The following TPP2 variants were observed in gnomAD, a reference collection of about 807,000 sequenced individuals.
The protein encoded by TPP2 is tripeptidyl peptidase 2.
TPP2 carries 34 observed loss-of-function variants against 155.9 expected under a neutral mutation model. That is an observed-to-expected ratio of 0.22 (90% CI 0.17 to 0.29). TPP2 has a LOEUF of 0.29. Among genes scored for constraint, TPP2 ranks in the 10% least tolerant of loss-of-function variants. The pLI is 1.00. For missense variants in TPP2, 1,028 were observed against 1,522.3 expected (o/e 0.68, Z 5.40); for synonymous variants, 510 against 529.4 (o/e 0.96, Z 0.50).
intron 25 of TPP2, among the ~76,000 whole-genome samples, chr13:102,658,831 G>T (rs918015553): frequency 6.6e-6 from 1 of 152,172 alleles, no homozygotes; most frequent in Non-Finnish European, 1.5e-5. Flanking sequence ...ACTGCCAGTT[G>T]CAGCGGCTCA....
intron 6 of TPP2, among the ~76,000 whole-genome samples, chr13:102,626,171 A>G (rs974323057): frequency 2.0e-5 from 3 of 152,194 alleles, no homozygotes; most frequent in East Asian, 3.8e-4. Flanking sequence ...TTGCCACATT[A>G]GTTTGGACCA....
At chr13:102,630,233 C>A in intron 10 of TPP2, 38 bp downstream of exon 10, 2 of 1,505,054 alleles carry the variant, frequency 1.3e-6, no homozygotes, top group African/African-American at 1.4e-5. Flanking sequence ...TACGTATATT[C>A]GGTTAAACTT....
chr13:102,651,475 A>G (rs989356439), intron 24 of TPP2, 78 bp downstream of exon 24: 1 of 1,453,432 alleles, frequency 6.9e-7, no homozygotes, highest in African/African-American at 1.4e-5. Context: ...ACTATTATAA[A>G]CCTTTTTTTT....
At chr13:102,607,394 C>T (rs74408265) in intron 2 of TPP2, among the ~76,000 whole-genome samples, 5,802 of 152,232 alleles carry the variant, frequency 0.038, 165 homozygotes, top group Non-Finnish European at 0.055. Context: ...TTCAGATTTT[C>T]GGGTTAGAAA....
intron 2 of TPP2, among the ~76,000 whole-genome samples, chr13:102,606,918 G>T (rs1879877219): frequency 6.6e-6 from 1 of 152,186 alleles, no homozygotes; most frequent in African/African-American, 2.4e-5. Flanking sequence ...CTTTGTGTTG[G>T]TATTTGAAAG....
rs1389382969 is a variant in TPP2, at chr13:102,679,678, C to T, written c.*1362C>T. On this transcript the variant is annotated 3_prime_UTR_variant, in exon 30 of 30. Transcript: ENST00000376052. ...TATCCATGAAAGCTACATGCATGTT[C>T]TCTCTCACACACTCATGGACTTTCA... is the stretch of plus-strand genomic sequence containing the variant. 1 of 152,228 alleles carries T rather than the reference C, an allele frequency of 6.6e-6. No homozygotes were observed. The allele number at this position is 152,228 out of a possible 1,614,324, so 9.4% of individuals were successfully genotyped here.
Position 102,597,167 on chromosome 13 carries a change from G to A in TPP2, c.129G>A (p.Leu43=), listed in dbSNP as rs1323600504. ...GGCGGGGGGTGCTCATCGCAGTCCT[G>A]GACACGGGGGTCGACCCGGGGGCTC... The part of the protein sequence containing the change: ...YDGRGVLIAV[L]DTGVDPGAPG... The change falls in exon 1 of 30, where the codon CTG becomes CTA. Residue 43 remains leucine (L), a synonymous_variant. Transcript: ENST00000376052. The A allele has an allele frequency of 6.4e-7, 1 of 1,570,528 alleles. No homozygotes were observed. The highest frequency in any genetic ancestry group is 8.6e-7 in the Non-Finnish European group (1 of 1,159,056).
chr13:102,652,882 G>C (rs191597087), intron 24 of TPP2, among the ~76,000 whole-genome samples: 1 of 152,208 alleles, frequency 6.6e-6, no homozygotes, highest in East Asian at 1.9e-4. Context: ...GTATATCTTT[G>C]GGACATTGTA....
At chr13:102,644,062 T>G (rs1023020176) in intron 17 of TPP2, among the ~76,000 whole-genome samples, 2 of 151,254 alleles carry the variant, frequency 1.3e-5, no homozygotes, top group Non-Finnish European at 3.0e-5. Context: ...AGAGCAGGTG[T>G]TTTTTTTTCC....
intron 14 of TPP2, among the ~76,000 whole-genome samples, chr13:102,637,586 T>C (rs1471896627): frequency 6.8e-6 from 1 of 147,244 alleles, no homozygotes; most frequent in African/African-American, 2.5e-5. Context: ...AGTCTTGCTC[T>C]GTTGCCCAGG....
intron 2 of TPP2, 39 bp from the exon 3 acceptor site, chr13:102,614,062 A>T (rs886229379): frequency 6.4e-7 from 1 of 1,574,436 alleles, no homozygotes; most frequent in South Asian, 1.1e-5. Flanking sequence ...ATTGGAAAGC[A>T]TTTAGTGAAT....
chr13:102,648,879 T>C (rs781044175), intron 21 of TPP2, 28 bp from the exon 22 acceptor site: 1 of 1,561,668 alleles, frequency 6.4e-7, no homozygotes, highest in Non-Finnish European at 8.6e-7. Flanking sequence ...AAACTTAACT[T>C]TTCCCAAATG....
rs139342478 is a variant in TPP2 at position 102,638,277 on chromosome 13, G to A, written c.1875G>A (p.Pro625=). The change falls in exon 15 of 30, where the codon CCG becomes CCA. Residue 625 remains proline (P), a synonymous_variant. Transcript: ENST00000376052. The stretch of plus-strand genomic sequence containing the variant: ...ATATAGCATCCCCTAACGCAGGTCC[G>A]CTCTTCAGAGTTCCGATCACTGCAG... ...GYDIASPNAG[P]LFRVPITAVI... is the part of the protein sequence containing the mutation. The A allele has an allele frequency of 1.6e-5, 26 of 1,612,636 alleles. No individual in the cohort carries two copies. In the African/African-American group the frequency reaches 1.7e-4, roughly 11 times the overall value.
chr13:102,618,012 C>T (rs1880877901), intron 4 of TPP2, among the ~76,000 whole-genome samples: 1 of 152,172 alleles, frequency 6.6e-6, no homozygotes. Flanking sequence ...TTCTATCTCC[C>T]AGCTTATTTC....
At chr13:102,665,489 A>G (rs1464384879) in intron 27 of TPP2, among the ~76,000 whole-genome samples, 4 of 152,086 alleles carry the variant, frequency 2.6e-5, no homozygotes, top group African/African-American at 7.2e-5. Flanking sequence ...GTAAATAGAG[A>G]AGCTTCCCTG....
In TPP2 at chr13:102,629,479, C is replaced by T; in HGVS notation, c.1017-3C>T. The T allele has an allele frequency of 6.7e-7, 1 of 1,485,492 alleles. No individual in the cohort carries two copies. The highest frequency in any genetic ancestry group is 8.9e-7 in the Non-Finnish European group (1 of 1,124,458). 92.0% of individuals were successfully genotyped at this position (1,485,492 alleles called of 1,614,324 possible). A position where few individuals can be genotyped will look rare whatever the true frequency, so the allele number is the denominator to read the frequency against. On this transcript the variant is annotated splice_polypyrimidine_tract_variant and splice_region_variant and intron_variant, in intron 8 of 29. Transcript: ENST00000376052. The stretch of plus-strand genomic sequence containing the variant: ...ATGTTCAAAGGAATTCTCTCTTTTT[C>T]AGGAGAATTTGTGAAGTAATTAATG...
chr13:102,643,493 ATT>A, intron 17 of TPP2, 117 bp downstream of exon 17: 1 of 1,055,004 alleles, frequency 9.5e-7, no homozygotes, highest in Non-Finnish European at 1.2e-6. Context: ...GGGATTATAT[ATT>A]TTTTTAATGC....
intron 2 of TPP2, among the ~76,000 whole-genome samples, chr13:102,611,646 G>A (rs1880329382): frequency 6.6e-6 from 1 of 152,086 alleles, no homozygotes; most frequent in Admixed American, 6.5e-5. Flanking sequence ...GTGACAGAGC[G>A]AGACTCCTTC....
chr13:102,651,203 T>A, intron 23 of TPP2, among the ~76,000 whole-genome samples, 156 bp from the exon 24 acceptor site: 1 of 152,234 alleles, frequency 6.6e-6, no homozygotes, highest in East Asian at 1.9e-4. Flanking sequence ...GCAATGTTGC[T>A]TTCTTTAAAA....
Sources: gnomAD v4.1 joint callset for allele counts (sites outside exome capture counted in the v4.1 genomes callset) on GRCh38, gnomAD v4.1.1 for gene constraint, MANE v1.5 for transcripts, NCBI Gene and HGNC (gene_info 2026-07-23, HGNC 2026-07-21) for gene names.